NBAS: variants seen among roughly 807,000 people sequenced by gnomAD.
NBAS encodes the protein NAG/BC035112 fusion.
A neutral mutation model predicts 302.5 loss-of-function variants in NBAS; 219 were observed. The observed-to-expected ratio is 0.72, with a 90% CI of 0.65 to 0.81. The LOEUF is 0.81. Among genes scored for constraint, NBAS ranks in the 30% least tolerant of loss-of-function variants. The pLI is 0.00. For synonymous variants in NBAS, 1,118 were observed against 1,021.6 expected, an observed-to-expected ratio of 1.09 and a Z score of -1.80; for missense variants, 2,932 against 2,841.6, an observed-to-expected ratio of 1.03 and a Z score of -0.72.
intron 41 of NBAS, among the ~76,000 whole-genome samples, chr2:15,287,627 T>G (rs979518593): frequency 6.8e-6 from 1 of 146,294 alleles, no homozygotes; most frequent in African/African-American, 2.5e-5. Context: ...CGAGCACCCA[T>G]GTGGGCATCC....
intron 46 of NBAS, among the ~76,000 whole-genome samples, chr2:15,233,829 A>C (rs1667479382): frequency 6.6e-6 from 1 of 152,216 alleles, no homozygotes; most frequent in Admixed American, 6.6e-5. Flanking sequence ...ACATGCATTT[A>C]ATCAAAAAGT....
chr2:15,234,671 G>C lies in NBAS; in HGVS notation c.6020C>G (p.Ala2007Gly). The change falls in exon 46 of 52, where the codon GCT becomes GGT. Residue 2007 changes from alanine to glycine, a missense_variant. By Grantham distance (60) the Ala-to-Gly change is moderately conservative. Transcript: ENST00000281513. ...EKEKLHDEAV[A>G]ICLDGQPLAM... Reference sequence around the variant, plus strand: ...TAGAGGCTGACCATCTAAACAAATAGCCACAGCTTCATCATGAAGTTTCTC... The same window carrying C: ...TAGAGGCTGACCATCTAAACAAATACCCACAGCTTCATCATGAAGTTTCTC... The C allele has an allele frequency of 1.2e-6, 2 of 1,614,152 alleles. No individual in the cohort carries two copies. Among genetic ancestry groups the C allele is most frequent in the Non-Finnish European group, 1.7e-6 (2 of 1,180,012 alleles).
chr2:14,978,690 T>C, the NBAS span, among the ~76,000 whole-genome samples: 25 of 152,298 alleles, frequency 1.6e-4, no homozygotes, highest in East Asian at 1.2e-3. Flanking sequence ...TGGGCAAATT[T>C]CCTGAAGTCA....
At chr2:15,097,449 C>T in the NBAS span, among the ~76,000 whole-genome samples, 1 of 152,086 alleles carries the variant, frequency 6.6e-6, no homozygotes, top group Admixed American at 6.6e-5. Context: ...CAAATGTCTT[C>T]GTTCATTTGT....
chr2:15,149,495 T>C, the NBAS span, among the ~76,000 whole-genome samples: 1 of 152,248 alleles, frequency 6.6e-6, no homozygotes. Flanking sequence ...TTTTTCTGTT[T>C]CTTTTTTTGA....
the NBAS span, among the ~76,000 whole-genome samples, chr2:15,131,805 G>T: frequency 6.6e-6 from 1 of 152,152 alleles, no homozygotes; most frequent in African/African-American, 2.4e-5. Flanking sequence ...CTTCTGGGAA[G>T]GCCTACAGGG....
At chr2:15,257,400 C>CTTTTTTTTTTT (rs528160196) in intron 44 of NBAS, among the ~76,000 whole-genome samples, 1 of 135,192 alleles carries the variant, frequency 7.4e-6, no homozygotes, top group Non-Finnish European at 1.6e-5. Flanking sequence ...CATTTAATTT[C>CTTTTTTTTTTT]TTTTTTTTTT....
At chr2:15,025,220 G>A in the NBAS span, among the ~76,000 whole-genome samples, 1 of 152,144 alleles carries the variant, frequency 6.6e-6, no homozygotes, top group Non-Finnish European at 1.5e-5. Flanking sequence ...ATTGAATAAG[G>A]AATCCTTTCC....
At chr2:15,420,914 G>A (rs1393609518) in intron 23 of NBAS, among the ~76,000 whole-genome samples, 1 of 152,072 alleles carries the variant, frequency 6.6e-6, no homozygotes, top group Non-Finnish European at 1.5e-5. Flanking sequence ...ACCTAGGGAT[G>A]GACAAGTGAA....
chr2:14,792,393 C>T, the NBAS span, among the ~76,000 whole-genome samples: 2 of 152,276 alleles, frequency 1.3e-5, no homozygotes, highest in East Asian at 3.9e-4. Context: ...TAACACAATA[C>T]ACTATTGAGT....
chr2:15,235,587 T>C (rs1186785052), intron 45 of NBAS, among the ~76,000 whole-genome samples: 6 of 152,232 alleles, frequency 3.9e-5, no homozygotes, highest in African/African-American at 9.6e-5. Flanking sequence ...TATTTGATGA[T>C]ATTAAAGAAT....
At chr2:15,443,037 G>A (rs1442740356) in intron 21 of NBAS, among the ~76,000 whole-genome samples, 1 of 151,374 alleles carries the variant, frequency 6.6e-6, no homozygotes, top group African/African-American at 2.4e-5. Flanking sequence ...AAAGAGTCCA[G>A]GACCAGATGG....
the NBAS span, among the ~76,000 whole-genome samples, chr2:15,020,538 G>A: frequency 6.6e-6 from 1 of 152,204 alleles, no homozygotes; most frequent in Non-Finnish European, 1.5e-5. Flanking sequence ...GAAGAGCAAA[G>A]GCTGTGGAGA....
intron 21 of NBAS, among the ~76,000 whole-genome samples, chr2:15,439,608 T>C (rs910882630): frequency 1.1e-4 from 17 of 152,236 alleles, no homozygotes; most frequent in Admixed American, 3.3e-4. Context: ...TGCATTTCCA[T>C]CTGAGGTACC....
chr2:15,309,101 C>T (rs1212752554), intron 39 of NBAS, 70 bp downstream of exon 39: 19 of 1,223,566 alleles, frequency 1.6e-5, no homozygotes, highest in East Asian at 1.0e-4. Context: ...ACAATTTTAC[C>T]GATGAAAATT....
chr2:14,822,182 A>G, the NBAS span, among the ~76,000 whole-genome samples: 1 of 152,232 alleles, frequency 6.6e-6, no homozygotes, highest in Admixed American at 6.5e-5. Context: ...AAATACAAGG[A>G]CAAGCTGGGT....
chr2:14,973,289 C>T, the NBAS span, among the ~76,000 whole-genome samples: 1 of 152,178 alleles, frequency 6.6e-6, no homozygotes, highest in Non-Finnish European at 1.5e-5. Flanking sequence ...CCTGCTGTAT[C>T]AGATAGACCT....
rs568780129 is a variant in NBAS, at chr2:15,379,471, T to C, written c.3590+131A>G. ...TTTCTTTTTATATTCAAGCAAAAAA[T>C]AACTGTGCCCCATATAGTGTAGTCA... On this transcript the variant is annotated intron_variant, in intron 30 of 51. Transcript: ENST00000281513. The C allele has an allele frequency of 7.5e-6, 6 of 798,450 alleles. No homozygotes were observed. In the Admixed American group the frequency reaches 8.4e-5, roughly 11 times the overall value. The allele number at this position is 798,450 out of a possible 1,614,324, so 49.5% of individuals were successfully genotyped here.
In NBAS at chr2:15,266,568, G is replaced by A. The variant is rs1367369608; in HGVS notation, c.5724+8916C>T. On this transcript the variant is annotated intron_variant, in intron 44 of 51. Transcript: ENST00000281513. ...TCTCACCCATTATGACAGAAACACT[G>A]AAGATTTAAAAAATATAATATTTAT... Among the ~76,000 whole-genome samples the A allele has an allele frequency of 2.0e-5, 3 of 151,922 alleles. No homozygotes were observed. The East Asian group carries it at 5.8e-4, about 29-fold the overall frequency.
Sources: allele counts gnomAD v4.1 joint callset (sites outside exome capture counted in the v4.1 genomes callset), GRCh38; gene constraint gnomAD v4.1.1; transcripts MANE v1.5; gene names NCBI Gene and HGNC (gene_info 2026-07-23, HGNC 2026-07-21).